Variants in DEDD observed in about 807,000 individuals in gnomAD.
The protein encoded by DEDD is death effector domain-containing protein.
In DEDD, 3 loss-of-function variants were observed where a neutral mutation model predicts 29.2. The observed-to-expected ratio is 0.10, with a 90% confidence interval of 0.05 to 0.27. The LOEUF is 0.27. DEDD is among the 10% of genes least tolerant of loss of function. The pLI is 1.00. For synonymous variants in DEDD, 152 were observed against 161.3 expected (o/e 0.94, Z 0.44); for missense variants, 261 against 420.5 (o/e 0.62, Z 3.32).
intron 2 of DEDD, among the ~76,000 whole-genome samples, chr1:161,130,533 T>TA (rs573234422): frequency 0.022 from 3,277 of 146,834 alleles, 54 homozygotes; most frequent in South Asian, 0.067. Flanking sequence ...TTCCATATGT[T>TA]AAAAAAAAAA....
Position 161,122,428 on chromosome 1 carries a change from A to G in DEDD, c.676T>C (p.Phe226Leu). ...GTGTTGGCCTGGTTAAAGCGCTCAA[A>G]CTGGCGCTCAAGTGGGTCCTGCTTG... is the stretch of plus-strand genomic sequence containing the variant. ...SNKQDPLERQ[F>L]ERFNQANTIL... The change falls in exon 6 of 6, where the codon TTT (phenylalanine) becomes CTT (leucine). Residue 226 changes from phenylalanine to leucine, a missense_variant. By Grantham distance (22) the Phe-to-Leu change is conservative. Coordinates refer to ENST00000368006, the MANE Select transcript of DEDD (RefSeq NM_032998.3). The surrounding 1 kb of genome is among the most constrained non-coding windows in gnomAD (Gnocchi z 4.2). 1 of 1,614,196 alleles carries G rather than the reference A, an allele frequency of 6.2e-7. No individual in the cohort carries two copies. Among genetic ancestry groups the G allele is most frequent in the African/African-American group, 1.3e-5 (1 of 75,038 alleles).
At position 161,122,017 on chromosome 1, in the gene DEDD, TTTTC is replaced by T. The variant is rs1327838638; in HGVS notation, c.*126_*129del. ...ATACCACTTCCACTTTCTTTTGTCT[TTTTC>T]TTTAAAAAAAAAAAAAAAAAGGCAG... On this transcript the variant is annotated 3_prime_UTR_variant, in exon 6 of 6. Transcript: ENST00000368006. This position sits in a 1 kb window ranked among gnomAD's most constrained non-coding sequence, Gnocchi z 4.2. 2.4e-6 allele frequency: 3 copies of T among 1,272,558 alleles called. No homozygotes were observed. The East Asian group carries it at 7.1e-5, about 30-fold the overall frequency. The allele number at this position is 1,272,558 out of a possible 1,614,324, so 78.8% of individuals were successfully genotyped here. A position where few individuals can be genotyped will look rare whatever the true frequency, so the allele number is the denominator to read the frequency against.
chr1:161,127,057 C>G (rs1656255271), intron 2 of DEDD, among the ~76,000 whole-genome samples: 1 of 152,210 alleles, frequency 6.6e-6, no homozygotes, highest in Non-Finnish European at 1.5e-5. Flanking sequence ...TCCTACTCAA[C>G]TCATGGAGAG....
chr1:161,124,484 T>A lies in DEDD; in HGVS notation c.-22A>T, dbSNP rs771530481. Reference sequence around the variant, plus strand: ...CCATGCTGGGGGCTCAGGTACGCAATGCTTTCCAGAATCCCTGCTCAGCAG... The same window carrying A: ...CCATGCTGGGGGCTCAGGTACGCAAAGCTTTCCAGAATCCCTGCTCAGCAG... On this transcript the variant is annotated 5_prime_UTR_variant, in exon 3 of 6. Transcript: ENST00000368006. 66 of 1,583,200 alleles carry A rather than the reference T, an allele frequency of 4.2e-5. No homozygotes were observed. In the South Asian group the frequency reaches 7.4e-4, roughly 18 times the overall value.
chr1:161,123,097 A>C lies in DEDD; in HGVS notation c.558T>G (p.Asp186Glu), dbSNP rs769972871. The C allele has an allele frequency of 6.2e-7, 1 of 1,614,106 alleles. No individual in the cohort carries two copies. The highest frequency in any genetic ancestry group is 1.1e-5 in the South Asian group (1 of 91,076). ...CACCACATGTCTGCTTCTCCTTGGGATCTGGTGTCACTGACTTCCGGCGTT... is the reference window on the plus strand; with the variant it reads ...CACCACATGTCTGCTTCTCCTTGGGCTCTGGTGTCACTGACTTCCGGCGTT... ...QRKRRKSVTP[D>E]PKEKQTCDIR... Residue 186 changes from aspartate to glutamate, a missense_variant, in exon 5 of 6, where the codon GAT becomes GAG. Asp to Glu is a conservative substitution (Grantham distance 45). Coordinates refer to ENST00000368006, the MANE Select transcript of DEDD (RefSeq NM_032998.3).
intron 4 of DEDD, 97 bp from the exon 5 acceptor site, chr1:161,123,318 C>T: frequency 8.2e-7 from 1 of 1,212,844 alleles, no homozygotes; most frequent in East Asian, 2.5e-5. Flanking sequence ...AGACTTAGCA[C>T]TAAAAGCAGT....
chr1:161,123,361 C>A, intron 4 of DEDD, 140 bp from the exon 5 acceptor site: 1 of 845,830 alleles, frequency 1.2e-6, no homozygotes. Context: ...CATGTGAGAC[C>A]AGGTGCAGTG....
At position 161,121,107 on chromosome 1, in the gene DEDD, G is replaced by A. The variant is rs556879604; in HGVS notation, c.*1040C>T. Reference sequence around the variant, plus strand: ...GCCTTTGGGAACTAGAAGGGGAGTTGGTATTGTACCAGCTGGACTAAGCTC... The same window carrying A: ...GCCTTTGGGAACTAGAAGGGGAGTTAGTATTGTACCAGCTGGACTAAGCTC... On this transcript the variant is annotated 3_prime_UTR_variant, in exon 6 of 6. Transcript: ENST00000368006. 2.3e-5 allele frequency: 26 copies of A among 1,142,452 alleles called. No homozygotes were observed. The African/African-American group carries it at 3.4e-4, about 15-fold the overall frequency. The allele number at this position is 1,142,452 out of a possible 1,614,324, so 70.8% of individuals were successfully genotyped here.
chr1:161,122,389 G>A lies in DEDD; in HGVS notation c.715C>T (p.Arg239Trp). ...FNQANTILKS[R>W]DLGSIICDIK... ...TCACAGATGATGGAGCCCAGGTCCC[G>A]GGACTTGAGGATGGTGTTGGCCTGG... is the stretch of plus-strand genomic sequence containing the variant. Residue 239 changes from arginine to tryptophan, a missense_variant, in exon 6 of 6, where the codon CGG (arginine) becomes TGG (tryptophan). Arg to Trp is a moderately radical substitution (Grantham distance 101, BLOSUM62 -3). Transcript: ENST00000368006. This position sits in a 1 kb window ranked among gnomAD's most constrained non-coding sequence, Gnocchi z 4.2. 6.2e-7 allele frequency: 1 copy of A among 1,614,216 alleles called. No homozygotes were observed. The highest frequency in any genetic ancestry group is 8.5e-7 in the Non-Finnish European group (1 of 1,180,046).
rs781221087 is a variant in DEDD at position 161,124,143 on chromosome 1, C to A, written c.320G>T (p.Arg107Leu). The change falls in exon 3 of 6, where the codon CGG (arginine) becomes CTG (leucine). Residue 107 changes from arginine (R) to leucine (L), a missense_variant. Transcript: ENST00000368006. ...LLPYVTLKRR[R>L]AVCPDLVDKY... Reference sequence around the variant, plus strand: ...AGCCCCTAATACTTCCTCACCAGCCCGTCTCCTCTTGAGGGTGACGTAGGG... The same window carrying A: ...AGCCCCTAATACTTCCTCACCAGCCAGTCTCCTCTTGAGGGTGACGTAGGG... 1 of 1,610,896 alleles carries A rather than the reference C, an allele frequency of 6.2e-7. No individual in the cohort carries two copies. The highest frequency in any genetic ancestry group is 8.5e-7 in the Non-Finnish European group (1 of 1,177,492).
chr1:161,125,652 C>A (rs1418418916), intron 2 of DEDD, among the ~76,000 whole-genome samples: 6 of 152,160 alleles, frequency 3.9e-5, no homozygotes, highest in Non-Finnish European at 7.3e-5. Flanking sequence ...CAGGCACGCA[C>A]CACCACGTCT....
chr1:161,132,517 C>A, intron 1 of DEDD, 34 bp downstream of exon 1: 1 of 154,298 alleles, frequency 6.5e-6, no homozygotes, highest in South Asian at 1.8e-4. Context: ...CCGCTCGACT[C>A]CCTCTCCCCA....
intron 2 of DEDD, among the ~76,000 whole-genome samples, chr1:161,126,469 G>C (rs530504882): frequency 1.3e-5 from 2 of 150,478 alleles, no homozygotes; most frequent in African/African-American, 4.9e-5. Flanking sequence ...TCAGCTTCCC[G>C]AGTAGCTGGG....
At position 161,121,167 on chromosome 1, in the gene DEDD, CCCTA is replaced by C; in HGVS notation, c.*976_*979del. 9.5e-7 allele frequency: 1 copy of C among 1,049,846 alleles called. No individual in the cohort carries two copies. Among genetic ancestry groups the C allele is most frequent in the South Asian group, 3.1e-5 (1 of 31,756 alleles). 65.0% of individuals were successfully genotyped at this position (1,049,846 alleles called of 1,614,324 possible). ...ACCTCCTGGCTCATTCAACATGCCT[CCCTA>C]CCTAAATAAAAGTGCAACACTCAGT... On this transcript the variant is annotated 3_prime_UTR_variant, in exon 6 of 6. Transcript: ENST00000368006.
intron 2 of DEDD, among the ~76,000 whole-genome samples, chr1:161,127,334 A>C (rs1329582924): frequency 6.6e-6 from 1 of 152,246 alleles, no homozygotes; most frequent in Admixed American, 6.5e-5. Flanking sequence ...TACCCTACTC[A>C]ACAATTAAAC....
At chr1:161,127,528 G>C (rs1656295858) in intron 2 of DEDD, among the ~76,000 whole-genome samples, 1 of 152,184 alleles carries the variant, frequency 6.6e-6, no homozygotes, top group African/African-American at 2.4e-5. Context: ...CTTAAGAAAA[G>C]GGGAGGTACA....
At chr1:161,127,854 C>T (rs780231072) in intron 2 of DEDD, among the ~76,000 whole-genome samples, 1 of 152,184 alleles carries the variant, frequency 6.6e-6, no homozygotes, top group Non-Finnish European at 1.5e-5. Context: ...GTGAGGCTCT[C>T]AGATAAAGCA....
chr1:161,128,374 G>A (rs1426359111), intron 2 of DEDD, among the ~76,000 whole-genome samples: 1 of 152,168 alleles, frequency 6.6e-6, no homozygotes, highest in African/African-American at 2.4e-5. Context: ...GCCAAGGTGG[G>A]AGGAACACTT....
chr1:161,126,367 A>G (rs1656174080), intron 2 of DEDD, among the ~76,000 whole-genome samples: 2 of 138,874 alleles, frequency 1.4e-5, no homozygotes, highest in African/African-American at 2.8e-5. Flanking sequence ...TTTTTTTGAG[A>G]CAGAGTCACT....
Sources: allele counts gnomAD v4.1 joint callset (sites outside exome capture counted in the v4.1 genomes callset), GRCh38; gene constraint gnomAD v4.1.1; non-coding constraint Gnocchi (gnomAD v3.1); transcripts MANE v1.5; gene names NCBI Gene and HGNC (gene_info 2026-07-23, HGNC 2026-07-21).